Variants in CNNM2 observed in about 807,000 individuals in gnomAD.
CNNM2 encodes the protein cyclin and CBS domain divalent metal cation transport mediator 2, also known as metal transporter CNNM2.
Under a neutral mutation model 66.9 loss-of-function variants are expected in CNNM2, and 12 were observed. The ratio of observed to expected loss-of-function variants is 0.18; its 90% CI spans 0.11 to 0.29. CNNM2 has a LOEUF of 0.29. Among genes scored for constraint, CNNM2 ranks in the 10% least tolerant of loss-of-function variants. The pLI is 1.00. For missense variants in CNNM2, 705 were observed against 1,167.7 expected (o/e 0.60, Z 5.77); for synonymous variants, 557 against 501.8 (o/e 1.11, Z -1.47).
rs1181321709 is a variant in CNNM2 at position 102,918,633 on chromosome 10, G to A, written c.153G>A (p.Leu51=). ...LQAAAGRLLP[L]LLLSCCCGAG... The stretch of plus-strand genomic sequence containing the variant: ...CGGCTGCGGGGCGGCTGCTGCCGCT[G>A]CTCCTGCTGAGCTGCTGCTGCGGTG... Residue 51 remains leucine (L), a synonymous_variant, in exon 1 of 8, where the codon CTG becomes CTA. Coordinates refer to ENST00000369878, the MANE Select transcript of CNNM2 (RefSeq NM_017649.5). The surrounding 1 kb of genome is among the most constrained non-coding windows in gnomAD (Gnocchi z 4.1). 6 of 1,545,664 alleles carry A rather than the reference G, an allele frequency of 3.9e-6. No individual in the cohort carries two copies. Among genetic ancestry groups the A allele is most frequent in the Admixed American group, 4.0e-5 (2 of 50,504 alleles).
chr10:103,016,012 A>G (rs966478490), intron 1 of CNNM2, among the ~76,000 whole-genome samples: 1 of 152,178 alleles, frequency 6.6e-6, no homozygotes, highest in Non-Finnish European at 1.5e-5. Context: ...TTTAAGTACC[A>G]TTAAGACTGA....
At chr10:103,047,473 C>A (rs1303395253) in intron 1 of CNNM2, among the ~76,000 whole-genome samples, 2 of 152,200 alleles carry the variant, frequency 1.3e-5, no homozygotes, top group East Asian at 3.8e-4. Flanking sequence ...TAGAAATAAT[C>A]AGCGAAATCC....
rs749083503 is a variant in CNNM2, at chr10:102,918,471, C to G, written c.-10C>G. On this transcript the variant is annotated 5_prime_UTR_variant, in exon 1 of 8. Coordinates refer to ENST00000369878, the MANE Select transcript of CNNM2 (RefSeq NM_017649.5). This position sits in a 1 kb window ranked among gnomAD's most constrained non-coding sequence, Gnocchi z 4.1. ...TGAAAGGATGAAGCCGCAGCTGGAG[C>G]AGCCACCCTATGATTGGCTGTGGCG... is the stretch of plus-strand genomic sequence containing the variant. The G allele has an allele frequency of 4.4e-6, 7 of 1,603,002 alleles. No individual in the cohort carries two copies. Among genetic ancestry groups the G allele is most frequent in the Non-Finnish European group, 5.9e-6 (7 of 1,177,142 alleles).
chr10:102,989,326 A>G (rs2063853536), intron 1 of CNNM2, among the ~76,000 whole-genome samples: 1 of 152,184 alleles, frequency 6.6e-6, no homozygotes, highest in Non-Finnish European at 1.5e-5. Context: ...TTCAGTGAGT[A>G]AATTCTGTCT....
chr10:102,997,446 T>C (rs2064024372), intron 1 of CNNM2, among the ~76,000 whole-genome samples: 1 of 152,172 alleles, frequency 6.6e-6, no homozygotes, highest in South Asian at 2.1e-4. Flanking sequence ...TCTCCTGTTT[T>C]CTGTTTTCTC....
rs545724561 is a variant in CNNM2 at position 102,983,432 on chromosome 10, C to T, written c.1621+63331C>T. On this transcript the variant is annotated intron_variant, in intron 1 of 7. Coordinates refer to ENST00000369878, the MANE Select transcript of CNNM2 (RefSeq NM_017649.5). Reference sequence around the variant, plus strand: ...ATCCCAGCACTTTGGGAGGCCAAGTCGGGCAGATCACAAGGTCAGGAGATT... The same window carrying T: ...ATCCCAGCACTTTGGGAGGCCAAGTTGGGCAGATCACAAGGTCAGGAGATT... Among the ~76,000 whole-genome samples the T allele has an allele frequency of 4.0e-5, 6 of 149,132 alleles. No homozygotes were observed. The South Asian group carries it at 8.8e-4, about 22-fold the overall frequency.
At chr10:103,076,003 G>A (rs2065683802) in intron 6 of CNNM2, 83 bp from the exon 7 acceptor site, 20 of 1,276,434 alleles carry the variant, frequency 1.6e-5, no homozygotes, top group Non-Finnish European at 2.0e-5. Context: ...GTGGCATTTA[G>A]TATTTTTTAT....
chr10:103,016,901 A>G (rs146433302), intron 1 of CNNM2, among the ~76,000 whole-genome samples: 4 of 149,390 alleles, frequency 2.7e-5, no homozygotes, highest in African/African-American at 9.9e-5. Context: ...TGTTTCCTCC[A>G]TCCAAAAGCC....
intron 1 of CNNM2, among the ~76,000 whole-genome samples, chr10:102,942,958 T>C (rs1254523422): frequency 6.6e-6 from 1 of 152,024 alleles, no homozygotes; most frequent in African/African-American, 2.4e-5. Flanking sequence ...CACAGGCTGG[T>C]TCACGCCTGT....
At chr10:102,971,625 G>C (rs2063548418) in intron 1 of CNNM2, among the ~76,000 whole-genome samples, 1 of 152,062 alleles carries the variant, frequency 6.6e-6, no homozygotes, top group South Asian at 2.1e-4. Flanking sequence ...AGGTTTTTCA[G>C]AACTTGGCCC....
intron 1 of CNNM2, among the ~76,000 whole-genome samples, chr10:102,964,229 CTTTTT>C (rs201456012): frequency 1.4e-5 from 2 of 145,812 alleles, no homozygotes; most frequent in Non-Finnish European, 3.0e-5. Flanking sequence ...ATTAGATATT[CTTTTT>C]TTTTTTTTCT....
chr10:103,011,591 C>T (rs1218133628), intron 1 of CNNM2, among the ~76,000 whole-genome samples: 1 of 150,462 alleles, frequency 6.6e-6, no homozygotes, highest in East Asian at 1.9e-4. Flanking sequence ...AAAGAAAATG[C>T]AAAAAGCAAC....
chr10:102,984,363 T>C (rs189342165), intron 1 of CNNM2, among the ~76,000 whole-genome samples: 11 of 152,288 alleles, frequency 7.2e-5, no homozygotes, highest in African/African-American at 2.6e-4. Context: ...AAGGTTAAAT[T>C]GGCCAATTAA....
chr10:102,944,222 G>T (rs548560049), intron 1 of CNNM2, among the ~76,000 whole-genome samples: 2 of 151,894 alleles, frequency 1.3e-5, no homozygotes, highest in East Asian at 3.9e-4. Flanking sequence ...AGGATTACAG[G>T]CACCCACCAC....
chr10:103,020,595 T>C (rs545771495), intron 1 of CNNM2, among the ~76,000 whole-genome samples: 12 of 152,210 alleles, frequency 7.9e-5, no homozygotes, highest in African/African-American at 2.9e-4. Context: ...AGTAGAACTT[T>C]CTTTCTAGTG....
In CNNM2 at chr10:103,043,178, G is replaced by A. The variant is rs538291021; in HGVS notation, c.1622-6529G>A. ...ATGTTTGGCTTGAGTTTCTCATGAC[G>A]GGGGTCTGTTTTCTTCCTGCTGTTT... is the stretch of plus-strand genomic sequence containing the variant. On this transcript the variant is annotated intron_variant, in intron 1 of 7. Transcript: ENST00000369878. 1.0e-3 allele frequency among the ~76,000 whole-genome samples: 153 copies of A among 152,242 alleles called. No homozygotes were observed. Among genetic ancestry groups the A allele is most frequent in the African/African-American group, 3.2e-3 (133 of 41,532 alleles).
chr10:103,061,492 T>C (rs2065385513), intron 4 of CNNM2, among the ~76,000 whole-genome samples: 1 of 152,190 alleles, frequency 6.6e-6, no homozygotes, highest in Admixed American at 6.5e-5. Flanking sequence ...GTCAGTGTTC[T>C]GTTGGCATAA....
chr10:103,029,956 G>A (rs937642836), intron 1 of CNNM2, among the ~76,000 whole-genome samples: 3 of 152,148 alleles, frequency 2.0e-5, no homozygotes, highest in African/African-American at 7.2e-5. Context: ...GGCTTTGTGG[G>A]AACAGTGACA....
chr10:102,967,504 T>C (rs2134211115), intron 1 of CNNM2, among the ~76,000 whole-genome samples: 1 of 152,360 alleles, frequency 6.6e-6, no homozygotes, highest in East Asian at 1.9e-4. Context: ...TTTCTAGAAA[T>C]TTCCTATAAA....
Sources: allele counts gnomAD v4.1 joint callset (sites outside exome capture counted in the v4.1 genomes callset), GRCh38; gene constraint gnomAD v4.1.1; non-coding constraint Gnocchi (gnomAD v3.1); transcripts MANE v1.5; gene names NCBI Gene and HGNC (gene_info 2026-07-23, HGNC 2026-07-21).